The following ZNF804B variants were observed in gnomAD, a reference collection of about 807,000 sequenced individuals.
ZNF804B encodes the protein zinc finger protein 804B.
In ZNF804B, 80 loss-of-function variants were observed where a neutral mutation model predicts 101.4. That is an observed-to-expected ratio of 0.79 (90% confidence interval 0.66 to 0.95). The LOEUF is 0.95. Ranked by LOEUF, ZNF804B falls within the 40% of genes least tolerant of loss-of-function variation. ZNF804B has a pLI of 0.00. For synonymous variants in ZNF804B, 622 were observed against 558.8 expected, an observed-to-expected ratio of 1.11 and a Z score of -1.59; for missense variants, 1,673 against 1,561.9, an observed-to-expected ratio of 1.07 and a Z score of -1.20.
At chr7:88,832,393 A>T (rs1791146600) in intron 1 of ZNF804B, among the ~76,000 whole-genome samples, 1 of 151,954 alleles carries the variant, frequency 6.6e-6, no homozygotes, top group South Asian at 2.1e-4. Flanking sequence ...ACCCAAGCTA[A>T]TTTCAGTGTA....
chr7:88,890,367 G>A (rs1399591788), intron 1 of ZNF804B, among the ~76,000 whole-genome samples: 1 of 152,152 alleles, frequency 6.6e-6, no homozygotes, highest in Non-Finnish European at 1.5e-5. Context: ...ATAGACAGGA[G>A]TTTGCATATC....
At chr7:89,226,435 A>C (rs1246139366) in intron 2 of ZNF804B, among the ~76,000 whole-genome samples, 1 of 152,090 alleles carries the variant, frequency 6.6e-6, no homozygotes, top group Non-Finnish European at 1.5e-5. Flanking sequence ...GGGTCTACTA[A>C]AAATAGATGA....
rs143408261 is a variant in ZNF804B at position 89,324,987 on chromosome 7, A to G, written c.250-2357A>G. Reference sequence around the variant, plus strand: ...ATGACTAATTATCCTCTACTGATGCATGACTTTTCTGAATTATCTATTCAA... The same window carrying G: ...ATGACTAATTATCCTCTACTGATGCGTGACTTTTCTGAATTATCTATTCAA... On this transcript the variant is annotated intron_variant, in intron 2 of 3. Coordinates refer to ENST00000333190, the MANE Select transcript of ZNF804B (RefSeq NM_181646.5). Among the ~76,000 whole-genome samples the G allele has an allele frequency of 1.3e-3, 203 of 151,198 alleles. 3 individuals carry two copies. Among genetic ancestry groups the G allele is most frequent in the Admixed American group, 0.012 (180 of 15,196 alleles).
chr7:89,047,628 G>C (rs957303024), intron 1 of ZNF804B, among the ~76,000 whole-genome samples: 1 of 152,122 alleles, frequency 6.6e-6, no homozygotes, highest in Non-Finnish European at 1.5e-5. Flanking sequence ...GCTATGGGAG[G>C]AGTCGTAAAT....
intron 1 of ZNF804B, among the ~76,000 whole-genome samples, chr7:89,071,386 A>T (rs1562876419): frequency 2.0e-5 from 3 of 152,214 alleles, no homozygotes; most frequent in Non-Finnish European, 4.4e-5. Flanking sequence ...TTATTTTTAA[A>T]AATTTCACTC....
Position 89,017,815 on chromosome 7 carries a change from A to T in ZNF804B, c.109-200340A>T, listed in dbSNP as rs149404599. Among the ~76,000 whole-genome samples, 10 of 152,024 alleles carry T rather than the reference A, an allele frequency of 6.6e-5. No homozygotes were observed. The East Asian group carries it at 1.9e-3, about 29-fold the overall frequency. On this transcript the variant is annotated intron_variant, in intron 1 of 3. Transcript: ENST00000333190. ...TCTTTTTTCAGTTTTTATTTCAGCT[A>T]GTTCCTTGTTTGTGTATAGAAATTA...
intron 2 of ZNF804B, among the ~76,000 whole-genome samples, chr7:89,227,126 CTA>C (rs1267235918): frequency 6.6e-6 from 1 of 152,162 alleles, no homozygotes; most frequent in East Asian, 1.9e-4. Flanking sequence ...GATCCCATGG[CTA>C]TGTTTTCTTT....
intron 1 of ZNF804B, among the ~76,000 whole-genome samples, chr7:88,796,772 T>G (rs1220801426): frequency 6.6e-6 from 1 of 152,128 alleles, no homozygotes; most frequent in Non-Finnish European, 1.5e-5. Context: ...TGAGGGCAGG[T>G]AAGTGGTCCT....
At chr7:89,124,231 T>C (rs1267754409) in intron 1 of ZNF804B, among the ~76,000 whole-genome samples, 1 of 136,506 alleles carries the variant, frequency 7.3e-6, no homozygotes, top group Non-Finnish European at 1.7e-5. Context: ...AATCCCACTA[T>C]TCTTATCTTG....
rs568805784 is a variant in ZNF804B at position 88,799,321 on chromosome 7, A to G, written c.108+39237A>G. Among the ~76,000 whole-genome samples, 13 of 151,232 alleles carry G rather than the reference A, an allele frequency of 8.6e-5. No individual in the cohort carries two copies. The East Asian group carries it at 2.6e-3, about 30-fold the overall frequency. On this transcript the variant is annotated intron_variant, in intron 1 of 3. Transcript: ENST00000333190. ...AAGCTACTTTTAACAGTAACCCTATATGATAGATAGAATCTTTTCTACAGT... is the reference window on the plus strand; with the variant it reads ...AAGCTACTTTTAACAGTAACCCTATGTGATAGATAGAATCTTTTCTACAGT...
intron 1 of ZNF804B, among the ~76,000 whole-genome samples, chr7:89,135,820 C>T (rs995926787): frequency 3.6e-5 from 3 of 82,240 alleles, no homozygotes; most frequent in African/African-American, 1.7e-4. Context: ...GCGAATAGGC[C>T]TCTCACTAGC....
At chr7:88,854,527 T>TTTCCTTTCCTTCCCTTCCC (rs1791519535) in intron 1 of ZNF804B, among the ~76,000 whole-genome samples, 5 of 40,074 alleles carry the variant, frequency 1.2e-4, no homozygotes, top group African/African-American at 5.2e-4. Flanking sequence ...CTTTCCTTCC[T>TTTCCTTTCCTTCCCTTCCC]TTCCTTCCTT....
At chr7:88,937,161 T>G (rs1348825781) in intron 1 of ZNF804B, among the ~76,000 whole-genome samples, 1 of 147,712 alleles carries the variant, frequency 6.8e-6, no homozygotes, top group Non-Finnish European at 1.5e-5. Flanking sequence ...ATAACTGAAT[T>G]TGACAGAAAG....
At chr7:89,243,722 T>A (rs1789405019) in intron 2 of ZNF804B, among the ~76,000 whole-genome samples, 1 of 151,858 alleles carries the variant, frequency 6.6e-6, no homozygotes, top group African/African-American at 2.4e-5. Flanking sequence ...TGTGTTAAGA[T>A]AAAGAAGGGG....
At chr7:89,155,565 C>G (rs957993035) in intron 1 of ZNF804B, among the ~76,000 whole-genome samples, 1 of 152,098 alleles carries the variant, frequency 6.6e-6, no homozygotes, top group Non-Finnish European at 1.5e-5. Context: ...ATTTTGTTCT[C>G]TTTCATTGTT....
chr7:88,871,466 T>C (rs1791822004), intron 1 of ZNF804B, among the ~76,000 whole-genome samples: 1 of 152,020 alleles, frequency 6.6e-6, no homozygotes, highest in Admixed American at 6.6e-5. Flanking sequence ...TTTTCAATTA[T>C]CAATAACAAT....
At chr7:88,858,144 A>G (rs990248578) in intron 1 of ZNF804B, among the ~76,000 whole-genome samples, 3 of 152,070 alleles carry the variant, frequency 2.0e-5, no homozygotes, top group Non-Finnish European at 4.4e-5. Flanking sequence ...ACCTATAATT[A>G]TCTATCTCTC....
At chr7:89,072,751 AT>A (rs1355193111) in intron 1 of ZNF804B, among the ~76,000 whole-genome samples, 2 of 152,132 alleles carry the variant, frequency 1.3e-5, no homozygotes, top group Non-Finnish European at 2.9e-5. Context: ...TATAAAGGTT[AT>A]TTTTGCCTTT....
At chr7:89,228,290 A>G (rs1415524277) in intron 2 of ZNF804B, among the ~76,000 whole-genome samples, 1 of 152,074 alleles carries the variant, frequency 6.6e-6, no homozygotes, top group East Asian at 1.9e-4. Context: ...AAGCTTCCAC[A>G]GTGTGGAAGG....
Sources: allele counts gnomAD v4.1 joint callset (sites outside exome capture counted in the v4.1 genomes callset), GRCh38; gene constraint gnomAD v4.1.1; transcripts MANE v1.5; gene names NCBI Gene and HGNC (gene_info 2026-07-23, HGNC 2026-07-21).